SYNE3: variants seen among roughly 807,000 people sequenced by gnomAD.
SYNE3 encodes spectrin repeat containing nuclear envelope family member 3.
SYNE3 carries 100 observed loss-of-function variants against 111.2 expected under a neutral mutation model. That is an observed-to-expected ratio of 0.90 (90% confidence interval 0.77 to 1.06). SYNE3 has a LOEUF of 1.06. Ranked by LOEUF, SYNE3 falls within the 50% of genes least tolerant of loss-of-function variation. SYNE3 has a pLI of 0.00. For synonymous variants in SYNE3, 547 were observed against 533.9 expected, an observed-to-expected ratio of 1.02 and a Z score of -0.34; for missense variants, 1,160 against 1,240.3, an observed-to-expected ratio of 0.94 and a Z score of 0.97.
At chr14:95,508,790 G>C (rs560282039) in intron 1 of SYNE3, among the ~76,000 whole-genome samples, 69 of 152,336 alleles carry the variant, frequency 4.5e-4, no homozygotes, top group Middle Eastern at 3.4e-3. Flanking sequence ...CAGGAGAATG[G>C]AGAATCTCCA....
rs546887266 is a variant in SYNE3 at position 95,417,499 on chromosome 14, T to C, written c.*327A>G. 81 of 355,462 alleles carry C rather than the reference T, an allele frequency of 2.3e-4. No homozygotes were observed. Among genetic ancestry groups the C allele is most frequent in the East Asian group, 7.5e-4 (13 of 17,376 alleles). The allele number at this position is 355,462 out of a possible 1,614,324, so 22.0% of individuals were successfully genotyped here. On this transcript the variant is annotated 3_prime_UTR_variant, in exon 18 of 18. Transcript: ENST00000682763. ...AAGTCAACAATACCACAAAATCCCATTGGAGGGAGCCATTGCTAGGAATTT... is the reference window on the plus strand; with the variant it reads ...AAGTCAACAATACCACAAAATCCCACTGGAGGGAGCCATTGCTAGGAATTT...
intron 1 of SYNE3, among the ~76,000 whole-genome samples, chr14:95,512,193 A>G (rs531851629): frequency 1.3e-5 from 2 of 152,350 alleles, no homozygotes; most frequent in East Asian, 3.9e-4. Flanking sequence ...ATCATGTGTC[A>G]TACAACAGAA....
chr14:95,462,820 C>T (rs1887919386), intron 4 of SYNE3, among the ~76,000 whole-genome samples: 1 of 152,252 alleles, frequency 6.6e-6, no homozygotes, highest in East Asian at 1.9e-4. Flanking sequence ...GCTTTTTCTA[C>T]TGGGCCGCTG....
chr14:95,436,156 C>G (rs1886072687), intron 15 of SYNE3, among the ~76,000 whole-genome samples: 1 of 152,198 alleles, frequency 6.6e-6, no homozygotes, highest in Non-Finnish European at 1.5e-5. Flanking sequence ...TGCAATATGA[C>G]TTTGCCATCC....
intron 2 of SYNE3, among the ~76,000 whole-genome samples, chr14:95,471,685 G>A (rs1377845333): frequency 6.6e-6 from 1 of 152,234 alleles, no homozygotes; most frequent in Non-Finnish European, 1.5e-5. Context: ...TCTTTGGCTG[G>A]TGTGAGATTC....
Position 95,416,990 on chromosome 14 carries a change from A to T in SYNE3, c.*836T>A, listed in dbSNP as rs1903601469. On this transcript the variant is annotated 3_prime_UTR_variant, in exon 18 of 18. Transcript: ENST00000682763. The stretch of plus-strand genomic sequence containing the variant: ...CTTGTCTTCTTCCCTTTCTCCCTGA[A>T]TGAAACACACAGAGCAGGATCTCAC... The T allele has an allele frequency of 6.6e-6, 1 of 152,234 alleles. No individual in the cohort carries two copies. Among genetic ancestry groups the T allele is most frequent in the Non-Finnish European group, 1.5e-5 (1 of 68,080 alleles). 9.4% of individuals were successfully genotyped at this position (152,234 alleles called of 1,614,324 possible). A position where few individuals can be genotyped will look rare whatever the true frequency, so the allele number is the denominator to read the frequency against.
At chr14:95,460,045 T>C (rs1385615276) in intron 4 of SYNE3, among the ~76,000 whole-genome samples, 1 of 152,008 alleles carries the variant, frequency 6.6e-6, no homozygotes, top group African/African-American at 2.4e-5. Flanking sequence ...TGCAGTGAGC[T>C]GTGACTGCAC....
At chr14:95,423,017 G>C (rs770583208) in intron 17 of SYNE3, among the ~76,000 whole-genome samples, 3 of 152,178 alleles carry the variant, frequency 2.0e-5, no homozygotes, top group Admixed American at 6.5e-5. Flanking sequence ...ACAGCCCTGC[G>C]TTCGCTCCCC....
At chr14:95,478,812 C>T (rs893029073) in intron 1 of SYNE3, among the ~76,000 whole-genome samples, 7 of 152,192 alleles carry the variant, frequency 4.6e-5, no homozygotes, top group South Asian at 2.1e-4. Context: ...AAACACACCA[C>T]GAGGGCACTT....
chr14:95,430,840 G>A (rs1029652422), intron 17 of SYNE3, among the ~76,000 whole-genome samples: 1 of 127,216 alleles, frequency 7.9e-6, no homozygotes, highest in African/African-American at 2.9e-5. Flanking sequence ...AAAAAAAAAA[G>A]CTCCATTTTA....
chr14:95,444,910 G>A (rs544958171), intron 9 of SYNE3, among the ~76,000 whole-genome samples: 15 of 152,272 alleles, frequency 9.9e-5, no homozygotes, highest in African/African-American at 3.4e-4. Flanking sequence ...GCCTGTTTTT[G>A]TAAATAAAGT....
intron 1 of SYNE3, among the ~76,000 whole-genome samples, chr14:95,482,612 G>A (rs1422420262): frequency 6.6e-6 from 1 of 152,154 alleles, no homozygotes; most frequent in East Asian, 1.9e-4. Flanking sequence ...GTTTCAGGGA[G>A]TGACTGTCAT....
At chr14:95,424,449 G>A (rs1331677425) in intron 17 of SYNE3, among the ~76,000 whole-genome samples, 1 of 152,200 alleles carries the variant, frequency 6.6e-6, no homozygotes, top group Non-Finnish European at 1.5e-5. Context: ...TGCCACCCAT[G>A]AAGAAAGAGG....
At chr14:95,498,942 T>A (rs866430173) in intron 1 of SYNE3, among the ~76,000 whole-genome samples, 11 of 152,182 alleles carry the variant, frequency 7.2e-5, no homozygotes, top group South Asian at 4.1e-4. Flanking sequence ...TCAGCTTTGG[T>A]TTACAAAAAC....
intron 1 of SYNE3, among the ~76,000 whole-genome samples, chr14:95,491,764 CA>C (rs1889862068): frequency 8.5e-6 from 1 of 118,226 alleles, no homozygotes; most frequent in Non-Finnish European, 1.7e-5. Flanking sequence ...ACTTCAAAGG[CA>C]AAAATGTTAA....
chr14:95,449,585 G>A lies in SYNE3; in HGVS notation c.1449+346C>T, dbSNP rs1209446463. The A allele has an allele frequency of 1.1e-5, 11 of 985,462 alleles. No homozygotes were observed. In the South Asian group the frequency reaches 1.9e-4, roughly 17 times the overall value. 61.0% of individuals were successfully genotyped at this position (985,462 alleles called of 1,614,324 possible). A position where few individuals can be genotyped will look rare whatever the true frequency, so the allele number is the denominator to read the frequency against. On this transcript the variant is annotated intron_variant, in intron 8 of 17. Transcript: ENST00000682763. ...CTGAATGTCGCTGTTTTAAGATACC[G>A]CAGGTCAGGTCAGGTTTCTTGCCAC...
chr14:95,420,731 C>T (rs1371777684), intron 17 of SYNE3, among the ~76,000 whole-genome samples: 1 of 150,778 alleles, frequency 6.6e-6, no homozygotes, highest in Non-Finnish European at 1.5e-5. Context: ...CACACACATA[C>T]ACACACACAC....
chr14:95,516,424 C>T (rs1041301483), intron 1 of SYNE3, among the ~76,000 whole-genome samples, 172 bp downstream of exon 1: 18 of 152,030 alleles, frequency 1.2e-4, no homozygotes, highest in African/African-American at 3.9e-4. Flanking sequence ...GCTGTCACGC[C>T]GGGGCCCCCG....
intron 8 of SYNE3, among the ~76,000 whole-genome samples, chr14:95,447,425 C>T (rs551681901): frequency 2.3e-4 from 35 of 152,210 alleles, no homozygotes; most frequent in African/African-American, 7.5e-4. Flanking sequence ...CGTGAGCCAC[C>T]GTGCCCAGCC....
Sources: gnomAD v4.1 joint callset for allele counts (sites outside exome capture counted in the v4.1 genomes callset) on GRCh38, gnomAD v4.1.1 for gene constraint, MANE v1.5 for transcripts, NCBI Gene and HGNC (gene_info 2026-07-23, HGNC 2026-07-21) for gene names.